SLC45A4: variants seen among roughly 807,000 people sequenced by gnomAD.
The protein encoded by SLC45A4 is solute carrier family 45 member 4.
SLC45A4 carries 32 observed loss-of-function variants against 63.7 expected under a neutral mutation model. That is an observed-to-expected ratio of 0.50 (90% CI 0.38 to 0.67). The LOEUF (loss-of-function observed/expected upper bound fraction) is 0.67, where lower values mean the gene tolerates loss of function less well. Ranked by LOEUF, SLC45A4 falls within the 30% of genes least tolerant of loss-of-function variation. The probability of loss-of-function intolerance (pLI) is 0.00; values close to 1 mark genes in which losing one functional copy is unlikely to be tolerated. For synonymous variants in SLC45A4, 535 were observed against 510.0 expected (o/e 1.05, Z -0.66); for missense variants, 1,027 against 1,157.7 (o/e 0.89, Z 1.64).
intron 7 of SLC45A4, among the ~76,000 whole-genome samples, chr8:141,214,468 G>A (rs925062386): frequency 2.0e-5 from 3 of 152,074 alleles, no homozygotes; most frequent in African/African-American, 7.2e-5. Context: ...GATGCACTGA[G>A]GATTAATAAT....
In SLC45A4 at chr8:141,271,171, C is replaced by T. The variant is rs551992386; in HGVS notation, c.-400-16542G>A. On this transcript the variant is annotated intron_variant, in intron 1 of 8. Coordinates refer to ENST00000517878, the MANE Select transcript of SLC45A4 (RefSeq NM_001286646.2). ...CCACACATTATGGCTAGGAAATCCA[C>T]TGGAAACTGAGCTTACTGGAAGAGC... Among the ~76,000 whole-genome samples, 575 of 152,348 alleles carry T rather than the reference C, an allele frequency of 3.8e-3. 8 individuals are homozygous for T. Among genetic ancestry groups the T allele is most frequent in the African/African-American group, 0.013 (549 of 41,588 alleles).
chr8:141,281,004 G>A (rs113915169), intron 1 of SLC45A4, among the ~76,000 whole-genome samples: 1 of 152,220 alleles, frequency 6.6e-6, no homozygotes, highest in African/African-American at 2.4e-5. Flanking sequence ...TCTCAGCATC[G>A]CACGAGTTCC....
intron 1 of SLC45A4, among the ~76,000 whole-genome samples, chr8:141,270,857 C>T (rs535216647): frequency 6.1e-4 from 93 of 152,274 alleles, no homozygotes; most frequent in Middle Eastern, 6.8e-3. Context: ...CCAGCTCGAC[C>T]AGCTCGTACC....
chr8:141,215,957 C>G lies in SLC45A4; in HGVS notation c.1743G>C (p.Lys581Asn), dbSNP rs772849417. 6.2e-7 allele frequency: 1 copy of G among 1,613,714 alleles called. No homozygotes were observed. The highest frequency in any genetic ancestry group is 1.7e-5 in the Admixed American group (1 of 59,990). ...TGAICSALLQ[K>N]YLDNYDLSVR... ...CGCTCAGGTCGTAGTTGTCCAAGTA[C>G]TTCTGTAACAGGGCTGCAGAGAGGG... Residue 581 changes from lysine (K) to asparagine (N), a missense_variant, in exon 7 of 9, where the codon AAG becomes AAC. Lys to Asn is a moderately conservative substitution (Grantham distance 94). Transcript: ENST00000517878. The surrounding 1 kb of genome is among the most constrained non-coding windows in gnomAD (Gnocchi z 4.3).
intron 2 of SLC45A4, among the ~76,000 whole-genome samples, chr8:141,235,831 G>T (rs879476065): frequency 1.3e-5 from 2 of 152,248 alleles, no homozygotes; most frequent in Admixed American, 6.5e-5. Flanking sequence ...GCCAGGCGTG[G>T]TGGCTCACGC....
At chr8:141,302,325 T>C (rs1830771515) in intron 1 of SLC45A4, among the ~76,000 whole-genome samples, 1 of 152,026 alleles carries the variant, frequency 6.6e-6, no homozygotes, top group South Asian at 2.1e-4. Context: ...AGTGGCGCAA[T>C]CTTGGCTCAC....
rs1385108493 is a variant in SLC45A4, at chr8:141,278,822, G to A, written c.-400-24193C>T. 2.0e-5 allele frequency among the ~76,000 whole-genome samples: 3 copies of A among 152,260 alleles called. No homozygotes were observed. Among genetic ancestry groups the A allele is most frequent in the Admixed American group, 6.5e-5 (1 of 15,294 alleles). ...GATGCAGCAAGGGCTGCTCAGACCT[G>A]CTGGGGGCATCCTTTGCCCCGGGCT... On this transcript the variant is annotated intron_variant, in intron 1 of 8. Coordinates refer to ENST00000517878, the MANE Select transcript of SLC45A4 (RefSeq NM_001286646.2). This position sits in a 1 kb window ranked among gnomAD's most constrained non-coding sequence, Gnocchi z 4.1.
intron 1 of SLC45A4, chr8:141,292,870 A>G (rs1189307412): frequency 1.3e-5 from 2 of 152,288 alleles, no homozygotes; most frequent in Non-Finnish European, 2.9e-5. Flanking sequence ...CAGCTTGTTA[A>G]CAAATCAAGA....
At chr8:141,296,997 A>G (rs1175700778) in intron 1 of SLC45A4, among the ~76,000 whole-genome samples, 1 of 152,046 alleles carries the variant, frequency 6.6e-6, no homozygotes, top group East Asian at 1.9e-4. Context: ...AGAACTTGAG[A>G]AAGAAATCTT....
intron 2 of SLC45A4, among the ~76,000 whole-genome samples, chr8:141,249,333 C>T (rs1320421052): frequency 1.3e-5 from 2 of 152,172 alleles, no homozygotes; most frequent in African/African-American, 4.8e-5. Flanking sequence ...ATCTCTACCA[C>T]CTGATGAATG....
intron 1 of SLC45A4, among the ~76,000 whole-genome samples, chr8:141,265,889 G>A (rs887432744): frequency 1.3e-5 from 2 of 152,170 alleles, no homozygotes; most frequent in Non-Finnish European, 2.9e-5. Context: ...GTTATGATTC[G>A]CAGATGCACT....
intron 2 of SLC45A4, chr8:141,224,162 T>C (rs1008280818): frequency 6.6e-6 from 1 of 152,212 alleles, no homozygotes; most frequent in Non-Finnish European, 1.5e-5. Context: ...TCTTCGAAGA[T>C]GTGATCCACT....
chr8:141,265,516 T>G (rs529366629), intron 1 of SLC45A4, among the ~76,000 whole-genome samples: 1 of 152,328 alleles, frequency 6.6e-6, no homozygotes, highest in South Asian at 2.1e-4. Flanking sequence ...AGCAAGCAAA[T>G]TGTTTTCTGT....
rs562070101 is a variant in SLC45A4 at position 141,229,492 on chromosome 8, G to A, written c.242-7727C>T. Among the ~76,000 whole-genome samples the A allele has an allele frequency of 1.5e-4, 23 of 152,212 alleles. No individual in the cohort carries two copies. In the South Asian group the frequency reaches 1.9e-3, roughly 12 times the overall value. Reference sequence around the variant, plus strand: ...GGAGGGTCCAGCCAGTGCCTTCCCCGGGTAGGGGCAGCTCCCCTGGTGTCC... The same window carrying A: ...GGAGGGTCCAGCCAGTGCCTTCCCCAGGTAGGGGCAGCTCCCCTGGTGTCC... On this transcript the variant is annotated intron_variant, in intron 2 of 8. Transcript: ENST00000517878. This position sits in a 1 kb window ranked among gnomAD's most constrained non-coding sequence, Gnocchi z 5.0.
intron 2 of SLC45A4, among the ~76,000 whole-genome samples, chr8:141,253,737 C>T (rs924097728): frequency 6.6e-6 from 1 of 152,242 alleles, no homozygotes; most frequent in Non-Finnish European, 1.5e-5. Context: ...AATTCTGCCC[C>T]AGATGCTGAG....
intron 1 of SLC45A4, among the ~76,000 whole-genome samples, chr8:141,267,432 C>G (rs1829318035): frequency 1.3e-5 from 2 of 152,218 alleles, no homozygotes; most frequent in Admixed American, 6.5e-5. Flanking sequence ...CCTGTGCGGG[C>G]AAGAATGTTG....
intron 1 of SLC45A4, among the ~76,000 whole-genome samples, chr8:141,255,096 A>G (rs1828708771): frequency 6.6e-6 from 1 of 152,138 alleles, no homozygotes; most frequent in African/African-American, 2.4e-5. Context: ...TTGTTTAAAA[A>G]AGTTTAATTT....
chr8:141,240,518 G>C (rs1484649171), intron 2 of SLC45A4, among the ~76,000 whole-genome samples: 1 of 152,166 alleles, frequency 6.6e-6, no homozygotes, highest in Non-Finnish European at 1.5e-5. Context: ...CTGGCTCTTT[G>C]GAAAGGTCGG....
intron 1 of SLC45A4, among the ~76,000 whole-genome samples, chr8:141,290,658 C>T (rs1479952367): frequency 2.6e-5 from 4 of 152,182 alleles, no homozygotes; most frequent in South Asian, 2.1e-4. Flanking sequence ...GAAACCAGGC[C>T]GCCCTCCTCC....
Sources: gnomAD v4.1 joint callset for allele counts (sites outside exome capture counted in the v4.1 genomes callset) on GRCh38, gnomAD v4.1.1 for gene constraint, Gnocchi (gnomAD v3.1) non-coding constraint, MANE v1.5 for transcripts, NCBI Gene and HGNC (gene_info 2026-07-23, HGNC 2026-07-21) for gene names.